DYNC1I1: variants seen among roughly 807,000 people sequenced by gnomAD.
The protein encoded by DYNC1I1 is dynein cytoplasmic 1 intermediate chain 1.
In DYNC1I1, 43 loss-of-function variants were observed where a neutral mutation model predicts 86.6. The observed-to-expected ratio is 0.50, with a 90% CI of 0.39 to 0.64. The LOEUF (loss-of-function observed/expected upper bound fraction) is 0.64, where lower values mean the gene tolerates loss of function less well. DYNC1I1 is among the 30% of genes least tolerant of loss of function. The pLI is 0.00. For synonymous variants in DYNC1I1, 262 were observed against 283.7 expected, an observed-to-expected ratio of 0.92 and a Z score of 0.77; for missense variants, 604 against 788.8, an observed-to-expected ratio of 0.77 and a Z score of 2.81.
At chr7:96,012,349 T>G (rs1453413357) in intron 10 of DYNC1I1, among the ~76,000 whole-genome samples, 1 of 152,204 alleles carries the variant, frequency 6.6e-6, no homozygotes, top group Non-Finnish European at 1.5e-5. Context: ...AAGATTACCA[T>G]CCTTTCTTTT....
intron 6 of DYNC1I1, among the ~76,000 whole-genome samples, chr7:95,946,199 G>A (rs1792395672): frequency 6.6e-6 from 1 of 152,020 alleles, no homozygotes. Flanking sequence ...TAATGCATGT[G>A]GGGCTTAATA....
chr7:95,965,316 T>C (rs1021119247), intron 6 of DYNC1I1, among the ~76,000 whole-genome samples: 5 of 152,206 alleles, frequency 3.3e-5, no homozygotes, highest in African/African-American at 1.2e-4. Flanking sequence ...ATCTTCATCC[T>C]TCACAGCCTA....
chr7:95,968,824 C>CTGTGTGTGTG (rs56022930), intron 6 of DYNC1I1, among the ~76,000 whole-genome samples: 2,364 of 94,218 alleles, frequency 0.025, 37 homozygotes, highest in Non-Finnish European at 0.035. Context: ...ATTTTTTGCT[C>CTGTGTGTGTG]TGTGTGTGTG....
intron 14 of DYNC1I1, among the ~76,000 whole-genome samples, chr7:96,065,000 T>C (rs1294584081): frequency 3.3e-5 from 5 of 152,012 alleles, no homozygotes; most frequent in African/African-American, 9.7e-5. Flanking sequence ...TAGTGGTTGA[T>C]GATTAGATGG....
In DYNC1I1 at chr7:96,097,912, T is replaced by A. The variant is rs1791065026; in HGVS notation, c.*319T>A. The A allele has an allele frequency of 8.4e-6, 9 of 1,072,630 alleles. No homozygotes were observed. Among genetic ancestry groups the A allele is most frequent in the Non-Finnish European group, 1.0e-5 (9 of 881,710 alleles). The allele number at this position is 1,072,630 out of a possible 1,614,324, so 66.4% of individuals were successfully genotyped here. ...GGAAACCTCTGGTTAAATTTGTGCT[T>A]ACATGCACTCCTGGCATAGTCCTAT... On this transcript the variant is annotated 3_prime_UTR_variant, in exon 17 of 17. Transcript: ENST00000447467.
chr7:95,791,597 C>A (rs1398598342), intron 1 of DYNC1I1, among the ~76,000 whole-genome samples: 1 of 152,104 alleles, frequency 6.6e-6, no homozygotes, highest in Non-Finnish European at 1.5e-5. Context: ...AAGAGAAAGC[C>A]CAGCCATCAA....
rs76380072 is a variant in DYNC1I1 at position 96,008,149 on chromosome 7, A to G, written c.969+12076A>G. Among the ~76,000 whole-genome samples, 995 of 152,330 alleles carry G rather than the reference A, an allele frequency of 6.5e-3. 7 individuals are homozygous for G. Among genetic ancestry groups the G allele is most frequent in the African/African-American group, 0.022 (915 of 41,578 alleles). On this transcript the variant is annotated intron_variant, in intron 10 of 16. Transcript: ENST00000447467. ...ATTTGAGTAACTCTCCTCCTTTAAA[A>G]TACCTCTTGATTCTGAATCCACATC...
intron 6 of DYNC1I1, among the ~76,000 whole-genome samples, chr7:95,937,087 A>G (rs769633044): frequency 2.0e-5 from 3 of 152,018 alleles, no homozygotes; most frequent in Non-Finnish European, 4.4e-5. Flanking sequence ...AAAGAAAAGT[A>G]CTACCTTATC....
At chr7:95,891,971 T>C (rs983688566) in intron 6 of DYNC1I1, among the ~76,000 whole-genome samples, 11 of 6,286 alleles carry the variant, frequency 1.7e-3, no homozygotes, top group Middle Eastern at 0.071. Flanking sequence ...TTTTGTAACT[T>C]TTTTTTTTCT....
chr7:95,867,960 G>A (rs974266079), intron 5 of DYNC1I1, among the ~76,000 whole-genome samples: 3 of 152,162 alleles, frequency 2.0e-5, no homozygotes, highest in African/African-American at 7.2e-5. Flanking sequence ...ACCCAGGGAG[G>A]TTTTAAAATA....
Position 95,962,484 on chromosome 7 carries a change from C to T in DYNC1I1, c.491-15028C>T, listed in dbSNP as rs539499397. Among the ~76,000 whole-genome samples, 32 of 152,280 alleles carry T rather than the reference C, an allele frequency of 2.1e-4. No individual in the cohort carries two copies. In the South Asian group the frequency reaches 6.6e-3, roughly 32 times the overall value. On this transcript the variant is annotated intron_variant, in intron 6 of 16. Coordinates refer to ENST00000447467, the MANE Select transcript of DYNC1I1 (RefSeq NM_001135556.2). ...CTTCCTTCTCTTTCCTATTGCATAA[C>T]TTTCTTCCTACCTTGCACATTTTTG...
chr7:95,797,460 G>A (rs530142185), intron 1 of DYNC1I1, among the ~76,000 whole-genome samples: 59 of 152,322 alleles, frequency 3.9e-4, no homozygotes, highest in African/African-American at 1.4e-3. Context: ...GATTGGCGAT[G>A]AAGTTACTAA....
intron 16 of DYNC1I1, among the ~76,000 whole-genome samples, chr7:96,093,055 T>C (rs1584316681): frequency 6.6e-6 from 1 of 152,080 alleles, no homozygotes; most frequent in African/African-American, 2.4e-5. Context: ...CTTCTTAACA[T>C]CCTCACATAA....
intron 1 of DYNC1I1, among the ~76,000 whole-genome samples, chr7:95,796,154 G>A (rs184193710): frequency 6.6e-6 from 1 of 152,062 alleles, no homozygotes; most frequent in Non-Finnish European, 1.5e-5. Flanking sequence ...TTTACAACCA[G>A]GCTAACGCCC....
Position 95,933,949 on chromosome 7 carries a change from G to C in DYNC1I1, c.491-43563G>C, listed in dbSNP as rs531736191. On this transcript the variant is annotated intron_variant, in intron 6 of 16. Coordinates refer to ENST00000447467, the MANE Select transcript of DYNC1I1 (RefSeq NM_001135556.2). ...AAATTCAGTCTGGGATCACCCATTG[G>C]TGCCAATGAAAGATTAGCCTAGAGA... 5.9e-5 allele frequency among the ~76,000 whole-genome samples: 9 copies of C among 152,122 alleles called. No individual in the cohort carries two copies. In the South Asian group the frequency reaches 1.9e-3, roughly 32 times the overall value.
chr7:96,037,686 C>A (rs771555361), intron 13 of DYNC1I1, among the ~76,000 whole-genome samples: 1 of 152,070 alleles, frequency 6.6e-6, no homozygotes, highest in Non-Finnish European at 1.5e-5. Context: ...GATGAACATT[C>A]TTGTTCTGTG....
intron 11 of DYNC1I1, among the ~76,000 whole-genome samples, chr7:96,030,296 T>G (rs1432676426): frequency 6.6e-6 from 1 of 151,598 alleles, no homozygotes; most frequent in Non-Finnish European, 1.5e-5. Context: ...GAAAAATGGG[T>G]ATACTGTAGC....
intron 6 of DYNC1I1, among the ~76,000 whole-genome samples, chr7:95,903,741 T>C (rs150213766): frequency 6.1e-4 from 93 of 152,298 alleles, no homozygotes; most frequent in African/African-American, 2.2e-3. Context: ...GTTCAATCAT[T>C]CCTCTTTGAT....
chr7:95,844,231 C>T (rs979655671), intron 5 of DYNC1I1, among the ~76,000 whole-genome samples: 5 of 152,042 alleles, frequency 3.3e-5, no homozygotes, highest in Non-Finnish European at 4.4e-5. Flanking sequence ...TCAGAAGCCT[C>T]GTGATTATAT....
Sources: allele counts gnomAD v4.1 joint callset (sites outside exome capture counted in the v4.1 genomes callset), GRCh38; gene constraint gnomAD v4.1.1; transcripts MANE v1.5; gene names NCBI Gene and HGNC (gene_info 2026-07-23, HGNC 2026-07-21).